The following KCNIP4 variants were observed in gnomAD, a reference collection of about 807,000 sequenced individuals.
The protein encoded by KCNIP4 is Kv channel-interacting protein 4.
Under a neutral mutation model 34.0 loss-of-function variants are expected in KCNIP4, and 12 were observed. That is an observed-to-expected ratio of 0.35 (90% CI 0.23 to 0.57). KCNIP4 has a LOEUF of 0.57. KCNIP4 is among the 20% of genes least tolerant of loss of function. The pLI is 0.83. For missense variants in KCNIP4, 238 were observed against 311.7 expected, an observed-to-expected ratio of 0.76 and a Z score of 1.78; for synonymous variants, 124 against 102.2, an observed-to-expected ratio of 1.21 and a Z score of -1.29.
At chr4:20,965,433 T>C (rs899624797) in intron 1 of KCNIP4, among the ~76,000 whole-genome samples, 3 of 152,186 alleles carry the variant, frequency 2.0e-5, no homozygotes, top group Non-Finnish European at 4.4e-5. Flanking sequence ...GGTATAACTG[T>C]CGTGGTACAA....
chr4:21,762,736 A>C (rs970154569), intron 1 of KCNIP4, among the ~76,000 whole-genome samples: 5 of 152,170 alleles, frequency 3.3e-5, no homozygotes, highest in Admixed American at 3.3e-4. Flanking sequence ...TACCAGCGTC[A>C]TTAGTGGGCT....
At chr4:21,464,383 C>T (rs935805561) in intron 1 of KCNIP4, among the ~76,000 whole-genome samples, 3 of 151,776 alleles carry the variant, frequency 2.0e-5, no homozygotes, top group African/African-American at 7.3e-5. Flanking sequence ...TATAATTTTT[C>T]GTATGTTTTA....
intron 3 of KCNIP4, among the ~76,000 whole-genome samples, chr4:20,838,539 T>C (rs960235663): frequency 6.6e-6 from 1 of 152,166 alleles, no homozygotes; most frequent in Non-Finnish European, 1.5e-5. Context: ...GTGACTAAGT[T>C]TGAGCCCTTA....
chr4:21,023,864 C>T (rs906072665), intron 1 of KCNIP4, among the ~76,000 whole-genome samples: 1 of 151,666 alleles, frequency 6.6e-6, no homozygotes, highest in African/African-American at 2.4e-5. Flanking sequence ...CCTGGGCAAC[C>T]GAGTGAGACT....
intron 1 of KCNIP4, among the ~76,000 whole-genome samples, chr4:21,399,952 A>C (rs1279106018): frequency 6.6e-6 from 1 of 152,178 alleles, no homozygotes; most frequent in Non-Finnish European, 1.5e-5. Context: ...AAGGTGTTGT[A>C]TATACTTTCC....
chr4:21,500,200 G>A (rs547882808), intron 1 of KCNIP4, among the ~76,000 whole-genome samples: 11 of 152,174 alleles, frequency 7.2e-5, no homozygotes, highest in Admixed American at 3.3e-4. Flanking sequence ...CTAGCGTTTC[G>A]AAAAAGCGTT....
At chr4:20,991,535 G>C (rs1420146981) in intron 1 of KCNIP4, among the ~76,000 whole-genome samples, 1 of 152,174 alleles carries the variant, frequency 6.6e-6, no homozygotes, top group Non-Finnish European at 1.5e-5. Context: ...CCTGTGTTCT[G>C]TTTGTGAGAT....
At position 21,528,622 on chromosome 4, in the gene KCNIP4, G is replaced by A. The variant is rs527674332; in HGVS notation, c.61+419949C>T. 7.3e-5 allele frequency among the ~76,000 whole-genome samples: 11 copies of A among 150,266 alleles called. No homozygotes were observed. In the South Asian group the frequency reaches 1.5e-3, roughly 20 times the overall value. Reference sequence around the variant, plus strand: ...GTGGAGGTTGCAGTGAGCCAAGAACGCGTCACTGAACTCCAGCCTGGGCGA... The same window carrying A: ...GTGGAGGTTGCAGTGAGCCAAGAACACGTCACTGAACTCCAGCCTGGGCGA... On this transcript the variant is annotated intron_variant, in intron 1 of 8. Coordinates refer to ENST00000382152, the MANE Select transcript of KCNIP4 (RefSeq NM_025221.6).
chr4:20,942,751 A>G (rs1731770110), intron 1 of KCNIP4, among the ~76,000 whole-genome samples: 1 of 152,018 alleles, frequency 6.6e-6, no homozygotes, highest in Admixed American at 6.6e-5. Flanking sequence ...GGCTCACTGC[A>G]ACCTCCGCCT....
At chr4:21,279,924 C>A (rs1762675165) in intron 1 of KCNIP4, among the ~76,000 whole-genome samples, 1 of 152,154 alleles carries the variant, frequency 6.6e-6, no homozygotes, top group African/African-American at 2.4e-5. Context: ...TAAAAGAGTT[C>A]ATTTCGCCAT....
intron 1 of KCNIP4, among the ~76,000 whole-genome samples, chr4:21,337,974 C>A (rs2109339672): frequency 6.6e-6 from 1 of 152,216 alleles, no homozygotes; most frequent in Non-Finnish European, 1.5e-5. Context: ...TGAAGACCGG[C>A]TCTATGGTAT....
At chr4:21,931,801 G>A (rs1729584561) in intron 1 of KCNIP4, among the ~76,000 whole-genome samples, 1 of 152,034 alleles carries the variant, frequency 6.6e-6, no homozygotes, top group African/African-American at 2.4e-5. Flanking sequence ...CCCAGTAATG[G>A]GATTGCTGGG....
At chr4:21,620,163 A>C (rs971376557) in intron 1 of KCNIP4, among the ~76,000 whole-genome samples, 2 of 152,172 alleles carry the variant, frequency 1.3e-5, no homozygotes, top group Non-Finnish European at 2.9e-5. Flanking sequence ...TGTTTTAAAA[A>C]AGTGTTAAGG....
intron 1 of KCNIP4, chr4:21,762,902 A>T: frequency 7.8e-7 from 1 of 1,285,134 alleles, no homozygotes; most frequent in Non-Finnish European, 1.0e-6. Context: ...GGTGGATGGA[A>T]TTGGAGGGAA....
At chr4:21,430,753 C>T (rs1174641335) in intron 1 of KCNIP4, among the ~76,000 whole-genome samples, 5 of 151,974 alleles carry the variant, frequency 3.3e-5, no homozygotes, top group Non-Finnish European at 7.4e-5. Context: ...TAGTAACTTA[C>T]CCAAGGTCAT....
chr4:21,625,779 A>AAT (rs1745278173), intron 1 of KCNIP4, among the ~76,000 whole-genome samples: 3 of 152,194 alleles, frequency 2.0e-5, no homozygotes, highest in African/African-American at 7.2e-5. Flanking sequence ...GGGAATAGTC[A>AAT]ATACCTGTAA....
intron 1 of KCNIP4, among the ~76,000 whole-genome samples, chr4:21,824,738 C>A (rs115742821): frequency 0.012 from 1,896 of 152,220 alleles, 21 homozygotes; most frequent in South Asian, 0.029. Flanking sequence ...ATTCCAGTTC[C>A]CCTGTCTTGA....
At chr4:21,539,917 G>A (rs1737534520) in intron 1 of KCNIP4, among the ~76,000 whole-genome samples, 1 of 151,566 alleles carries the variant, frequency 6.6e-6, no homozygotes, top group Non-Finnish European at 1.5e-5. Flanking sequence ...GGTGGCAGTT[G>A]CAGTGAGCTG....
At chr4:20,843,500 C>T (rs1719998086) in intron 3 of KCNIP4, among the ~76,000 whole-genome samples, 1 of 152,114 alleles carries the variant, frequency 6.6e-6, no homozygotes, top group South Asian at 2.1e-4. Flanking sequence ...GAGGTGGAGG[C>T]AGGCGGATCA....
Sources: gnomAD v4.1 joint callset for allele counts (sites outside exome capture counted in the v4.1 genomes callset) on GRCh38, gnomAD v4.1.1 for gene constraint, MANE v1.5 for transcripts, NCBI Gene and HGNC (gene_info 2026-07-23, HGNC 2026-07-21) for gene names.